Variants in WDR27 observed in about 807,000 individuals in gnomAD.
WDR27 encodes WD repeat domain 27.
Under a neutral mutation model 114.4 loss-of-function variants are expected in WDR27, and 100 were observed. That is an observed-to-expected ratio of 0.87 (90% CI 0.74 to 1.03). WDR27 has a LOEUF of 1.03. Ranked by LOEUF, WDR27 falls within the 50% of genes least tolerant of loss-of-function variation. WDR27 has a pLI of 0.00. For missense variants in WDR27, 1,129 were observed against 1,092.9 expected, an observed-to-expected ratio of 1.03 and a Z score of -0.47; for synonymous variants, 449 against 423.1, an observed-to-expected ratio of 1.06 and a Z score of -0.75.
chr6:169,543,412 T>A (rs1366973510), intron 25 of WDR27, among the ~76,000 whole-genome samples: 1 of 152,134 alleles, frequency 6.6e-6, no homozygotes, highest in African/African-American at 2.4e-5. Flanking sequence ...TAAAAGTTAT[T>A]GAGGATTCCA....
chr6:169,529,156 A>G (rs1178451975), intron 25 of WDR27, among the ~76,000 whole-genome samples: 5 of 152,128 alleles, frequency 3.3e-5, no homozygotes, highest in African/African-American at 1.2e-4. Context: ...CATCATAACT[A>G]AGGAGGTGAA....
intron 7 of WDR27, 157 bp from the exon 8 acceptor site, chr6:169,664,443 A>G: frequency 6.7e-7 from 1 of 1,495,810 alleles, no homozygotes; most frequent in South Asian, 1.3e-5. Flanking sequence ...TGCCTTCAAC[A>G]TCCCCTCTGG....
intron 21 of WDR27, among the ~76,000 whole-genome samples, chr6:169,628,986 T>C (rs2494686): frequency 0.89 from 136,155 of 152,274 alleles, 61,468 homozygotes; most frequent in East Asian, 0.99. Context: ...ACTTAGCACA[T>C]ACTAAGAGAT....
At chr6:169,641,099 C>G (rs1303556669) in intron 17 of WDR27, among the ~76,000 whole-genome samples, 1 of 152,212 alleles carries the variant, frequency 6.6e-6, no homozygotes, top group Non-Finnish European at 1.5e-5. Context: ...GCAGGGGTTG[C>G]GAAGTGCCAC....
intron 2 of WDR27, among the ~76,000 whole-genome samples, chr6:169,683,727 C>A (rs1452495950): frequency 6.6e-6 from 1 of 152,154 alleles, no homozygotes; most frequent in South Asian, 2.1e-4. Flanking sequence ...GATGGGACTT[C>A]CCCCTGCAAG....
At chr6:169,455,441 AGTTTTAC>A (rs1180071990), downstream of WDR27, among the ~76,000 whole-genome samples, 1 of 152,244 alleles carries the variant, frequency 6.6e-6, no homozygotes, top group Non-Finnish European at 1.5e-5. Flanking sequence ...GCAACCAACC[AGTTTTAC>A]GTTACAACAC....
chr6:169,645,543 T>A (rs1249486650), intron 16 of WDR27, among the ~76,000 whole-genome samples: 20 of 150,694 alleles, frequency 1.3e-4, no homozygotes, highest in Admixed American at 6.6e-4. Flanking sequence ...TTCATACGAG[T>A]CACACTGTAG....
rs565806262 is a variant in WDR27 at position 169,622,433 on chromosome 6, G to A, written c.2224-8777C>T. On this transcript the variant is annotated intron_variant, in intron 21 of 25. Coordinates refer to ENST00000448612, the MANE Select transcript of WDR27 (RefSeq NM_182552.5). ...AACCAAATTTAAGGTGGGAGGAAATGAGCAGTGGTATATTTAACTGCTATT... is the reference window on the plus strand; with the variant it reads ...AACCAAATTTAAGGTGGGAGGAAATAAGCAGTGGTATATTTAACTGCTATT... Among the ~76,000 whole-genome samples, 2 of 152,304 alleles carry A rather than the reference G, an allele frequency of 1.3e-5. 1 individual carries two copies. The highest frequency in any genetic ancestry group is 4.1e-4 in the South Asian group (2 of 4,824).
At position 169,541,684 on chromosome 6, in the gene WDR27, G is replaced by A. The variant is rs140978255; in HGVS notation, c.2645+30735C>T. Among the ~76,000 whole-genome samples the A allele has an allele frequency of 5.2e-3, 790 of 152,196 alleles. 7 individuals carry two copies. The highest frequency in any genetic ancestry group is 0.018 in the African/African-American group (752 of 41,512). ...TTTCAGCAAAAGGACTGATGGTCCC[G>A]GTAACCCCTACAAGTTGCAACCATA... On this transcript the variant is annotated intron_variant, in intron 25 of 25. Coordinates refer to ENST00000448612, the MANE Select transcript of WDR27 (RefSeq NM_182552.5).
At chr6:169,651,078 G>T (rs2128242847) in intron 14 of WDR27, among the ~76,000 whole-genome samples, 1 of 151,892 alleles carries the variant, frequency 6.6e-6, no homozygotes, top group African/African-American at 2.4e-5. Context: ...ACTGGGAGGG[G>T]TGGGAGTTGG....
intron 25 of WDR27, among the ~76,000 whole-genome samples, chr6:169,527,718 G>A (rs1050333100): frequency 6.6e-6 from 1 of 152,132 alleles, no homozygotes; most frequent in African/African-American, 2.4e-5. Flanking sequence ...AAATAATTTT[G>A]TAATGGGGCT....
At chr6:169,431,127 G>T in the WDR27 span, among the ~76,000 whole-genome samples, 1 of 152,142 alleles carries the variant, frequency 6.6e-6, no homozygotes, top group Non-Finnish European at 1.5e-5. Context: ...GTTAGGGCTT[G>T]CCAGCTCCCA....
Position 169,659,174 on chromosome 6 carries a change from T to A in WDR27, c.1231A>T (p.Lys411Ter). 2 of 1,610,698 alleles carry A rather than the reference T, an allele frequency of 1.2e-6. No individual in the cohort carries two copies. The highest frequency in any genetic ancestry group is 1.7e-6 in the Non-Finnish European group (2 of 1,178,458). ...LCLLASLFGG[K>*]IAVLEINPAA... ...GGGTTGATCTCCAACACGGCAATCT[T>A]CCCGCCAAAGAGGGAGGCCAGCAAG... is the stretch of plus-strand genomic sequence containing the variant. Residue 411 changes from lysine (K) to a stop codon, truncating the protein, a stop_gained, in exon 12 of 26, where the codon AAG becomes TAG. Transcript: ENST00000448612. LOFTEE classifies it high-confidence loss of function. The surrounding 1 kb of genome is among the most constrained non-coding windows in gnomAD (Gnocchi z 4.3).
chr6:169,612,739 T>A (rs1350276213), intron 22 of WDR27, among the ~76,000 whole-genome samples: 2 of 151,152 alleles, frequency 1.3e-5, no homozygotes, highest in African/African-American at 4.9e-5. Flanking sequence ...AGGAATGCAC[T>A]CTAAAATCAT....
intron 23 of WDR27, among the ~76,000 whole-genome samples, chr6:169,595,570 A>G (rs1647847966): frequency 6.6e-6 from 1 of 152,182 alleles, no homozygotes; most frequent in Admixed American, 6.5e-5. Flanking sequence ...TTATTCAATT[A>G]ACATCTACAA....
intron 21 of WDR27, among the ~76,000 whole-genome samples, chr6:169,632,160 C>T (rs985906769): frequency 1.3e-5 from 2 of 149,484 alleles, no homozygotes; most frequent in African/African-American, 2.5e-5. Context: ...TGCACTCCCG[C>T]CTGGGTGACA....
intron 14 of WDR27, among the ~76,000 whole-genome samples, chr6:169,651,206 G>GGGGGGGGGGGGGGGGGC (rs1822447183): frequency 7.0e-6 from 1 of 142,908 alleles, no homozygotes; most frequent in Non-Finnish European, 1.5e-5. Flanking sequence ...TGGGGGAGTG[G>GGGGGGGGGGGGGGGGGC]GGGAGTGGCC....
chr6:169,450,694 G>A, the WDR27 span, among the ~76,000 whole-genome samples: 1 of 152,170 alleles, frequency 6.6e-6, no homozygotes, highest in Non-Finnish European at 1.5e-5. Context: ...GTTTGAGTGA[G>A]TCTAGAGACT....
intron 25 of WDR27, among the ~76,000 whole-genome samples, chr6:169,555,321 T>G (rs898258771): frequency 1.3e-5 from 2 of 151,896 alleles, no homozygotes; most frequent in African/African-American, 4.8e-5. Flanking sequence ...GAAAAACACA[T>G]TCCAAGCAAA....
Sources: gnomAD v4.1 joint callset for allele counts (sites outside exome capture counted in the v4.1 genomes callset) on GRCh38, gnomAD v4.1.1 for gene constraint, Gnocchi (gnomAD v3.1) non-coding constraint, MANE v1.5 for transcripts, NCBI Gene and HGNC (gene_info 2026-07-23, HGNC 2026-07-21) for gene names.